BMPER: variants seen among roughly 807,000 people sequenced by gnomAD.
BMPER encodes BMP binding endothelial regulator.
A neutral mutation model predicts 87.3 loss-of-function variants in BMPER; 45 were observed. The observed-to-expected ratio is 0.52, with a 90% CI of 0.41 to 0.66. The LOEUF (loss-of-function observed/expected upper bound fraction) is 0.66, where lower values mean the gene tolerates loss of function less well. Ranked by LOEUF, BMPER falls within the 30% of genes least tolerant of loss-of-function variation. The pLI, the probability that BMPER is intolerant of heterozygous loss-of-function variation, is 0.00. For missense variants in BMPER, 784 were observed against 867.5 expected, an observed-to-expected ratio of 0.90 and a Z score of 1.21; for synonymous variants, 326 against 316.2, an observed-to-expected ratio of 1.03 and a Z score of -0.33.
chr7:34,001,361 A>C (rs1049529996), intron 6 of BMPER, among the ~76,000 whole-genome samples: 2 of 151,840 alleles, frequency 1.3e-5, no homozygotes, highest in African/African-American at 4.8e-5. Context: ...CATGAATATG[A>C]GTCTATTCAG....
chr7:34,085,537 C>T (rs899980764), intron 12 of BMPER, among the ~76,000 whole-genome samples: 9 of 152,200 alleles, frequency 5.9e-5, no homozygotes, highest in African/African-American at 9.6e-5. Context: ...AAACTTTATA[C>T]GGTTTAAAAA....
At chr7:34,021,408 C>T (rs1432540806) in intron 6 of BMPER, among the ~76,000 whole-genome samples, 1 of 151,944 alleles carries the variant, frequency 6.6e-6, no homozygotes, top group African/African-American at 2.4e-5. Context: ...GTAGTCATGA[C>T]CCTAAGAAGA....
At chr7:34,064,288 C>A (rs1217668728) in intron 11 of BMPER, among the ~76,000 whole-genome samples, 25 of 146,330 alleles carry the variant, frequency 1.7e-4, no homozygotes, top group Non-Finnish European at 2.0e-4. Context: ...AAGACTCTGT[C>A]AAAAAAAAAA....
chr7:33,905,438 T>TCCCCCCCC, upstream of BMPER: 1 of 23,004 alleles, frequency 4.3e-5, no homozygotes, highest in East Asian at 1.9e-3. Context: ...CCTTGGTCTC[T>TCCCCCCCC]CCCCCCGCCC....
chr7:34,031,505 C>T (rs1787515292), intron 6 of BMPER, among the ~76,000 whole-genome samples: 1 of 151,920 alleles, frequency 6.6e-6, no homozygotes. Context: ...ACTGTACACC[C>T]CAAAGACTAC....
chr7:33,965,871 TTAGA>T (rs1785393282), intron 3 of BMPER, among the ~76,000 whole-genome samples: 2 of 70 alleles, frequency 0.029, no homozygotes, highest in African/African-American at 0.05. Context: ...AATCCATACT[TTAGA>T]TGGGTAGTTT....
rs535163583 is a variant in BMPER at position 34,113,321 on chromosome 7, T to C, written c.1745+27229T>C. Among the ~76,000 whole-genome samples, 6 of 152,062 alleles carry C rather than the reference T, an allele frequency of 3.9e-5. No individual in the cohort carries two copies. The East Asian group carries it at 9.7e-4, about 24-fold the overall frequency. On this transcript the variant is annotated intron_variant, in intron 13 of 14. Coordinates refer to ENST00000649409, the MANE Select transcript of BMPER (RefSeq NM_001365308.1). ...TCTGATTATAGTAGTTATTATCATA[T>C]GCAAGTGTTACCTTTTTTGGTAGCC... is the stretch of plus-strand genomic sequence containing the variant.
chr7:34,002,475 T>C (rs1218600711), intron 6 of BMPER, among the ~76,000 whole-genome samples: 2 of 151,850 alleles, frequency 1.3e-5, no homozygotes, highest in Admixed American at 1.3e-4. Context: ...TTTCAACTTA[T>C]GATTGCTTTA....
intron 13 of BMPER, among the ~76,000 whole-genome samples, chr7:34,096,427 C>A (rs771340815): frequency 1.3e-5 from 2 of 152,112 alleles, no homozygotes; most frequent in Non-Finnish European, 2.9e-5. Context: ...CTGGGTTTGA[C>A]GGCCATCCAG....
intron 8 of BMPER, among the ~76,000 whole-genome samples, 187 bp downstream of exon 8, chr7:34,052,157 A>G (rs1454364065): frequency 2.0e-5 from 3 of 152,224 alleles, no homozygotes; most frequent in East Asian, 1.9e-4. Flanking sequence ...ACTATAGCTC[A>G]ATCATCTTCT....
At chr7:33,918,933 G>A (rs1784147822) in intron 2 of BMPER, among the ~76,000 whole-genome samples, 1 of 152,090 alleles carries the variant, frequency 6.6e-6, no homozygotes, top group Admixed American at 6.5e-5. Context: ...TACCCTTTTT[G>A]TGCATCTCAT....
At chr7:33,930,350 C>A (rs935539580) in intron 2 of BMPER, among the ~76,000 whole-genome samples, 4 of 152,060 alleles carry the variant, frequency 2.6e-5, no homozygotes, top group Non-Finnish European at 5.9e-5. Context: ...ATTTTACTAT[C>A]AGTAATGAAG....
At chr7:34,137,684 A>AT (rs1293562006) in intron 13 of BMPER, among the ~76,000 whole-genome samples, 1 of 152,240 alleles carries the variant, frequency 6.6e-6, no homozygotes. Context: ...TAGACATTAG[A>AT]TTTTTCCAGT....
chr7:34,110,358 G>A (rs568160749), intron 13 of BMPER, among the ~76,000 whole-genome samples: 5 of 152,280 alleles, frequency 3.3e-5, no homozygotes, highest in South Asian at 4.1e-4. Context: ...GTGAGGGTAC[G>A]GAACAGGAGG....
At chr7:34,106,630 G>C (rs1789825677) in intron 13 of BMPER, among the ~76,000 whole-genome samples, 1 of 152,136 alleles carries the variant, frequency 6.6e-6, no homozygotes, top group Non-Finnish European at 1.5e-5. Context: ...ACCTCTGCCT[G>C]GTGAGTGCCA....
chr7:34,153,169 A>C lies in BMPER; in HGVS notation c.1954A>C (p.Ile652Leu), dbSNP rs1460296997. The C allele has an allele frequency of 6.2e-7, 1 of 1,614,106 alleles. No homozygotes were observed. The highest frequency in any genetic ancestry group is 1.7e-5 in the Admixed American group (1 of 60,010). The part of the protein sequence containing the change: ...CIKTCDNWNE[I>L]GPCNKPCVAG... ...CAAGACGTGTGACAACTGGAATGAA[A>C]TTGGTCCATGCAACAAGCCGTGCGT... Residue 652 changes from isoleucine (I) to leucine (L), a missense_variant, in exon 15 of 15, where the codon ATT becomes CTT. Ile to Leu is a conservative substitution (Grantham distance 5). Coordinates refer to ENST00000649409, the MANE Select transcript of BMPER (RefSeq NM_001365308.1).
chr7:33,967,767 C>A (rs758418649), intron 4 of BMPER, among the ~76,000 whole-genome samples: 12 of 152,138 alleles, frequency 7.9e-5, no homozygotes, highest in Non-Finnish European at 1.8e-4. Context: ...GCAAAATTTC[C>A]ACTCTTTGGT....
intron 5 of BMPER, among the ~76,000 whole-genome samples, chr7:33,974,441 C>G (rs191832975): frequency 6.6e-6 from 1 of 152,160 alleles, no homozygotes; most frequent in African/African-American, 2.4e-5. Flanking sequence ...AAGCACGGCT[C>G]TCTATGCTGC....
chr7:34,016,445 A>G (rs1418043815), intron 6 of BMPER, among the ~76,000 whole-genome samples: 1 of 151,998 alleles, frequency 6.6e-6, no homozygotes, highest in African/African-American at 2.4e-5. Context: ...TGAAATTTCC[A>G]AAATTCACCT....
Sources: allele counts gnomAD v4.1 joint callset (sites outside exome capture counted in the v4.1 genomes callset), GRCh38; gene constraint gnomAD v4.1.1; transcripts MANE v1.5; gene names NCBI Gene and HGNC (gene_info 2026-07-23, HGNC 2026-07-21).